STXBP5L: variants seen among roughly 807,000 people sequenced by gnomAD.
The protein encoded by STXBP5L is syntaxin-binding protein 5-like.
In STXBP5L, 65 loss-of-function variants were observed where a neutral mutation model predicts 144.5. The ratio of observed to expected loss-of-function variants is 0.45; its 90% CI spans 0.37 to 0.55. STXBP5L has a LOEUF of 0.55. Ranked by LOEUF, STXBP5L falls within the 20% of genes least tolerant of loss-of-function variation. STXBP5L has a pLI of 0.00. For synonymous variants in STXBP5L, 505 were observed against 469.6 expected (o/e 1.08, Z -0.97); for missense variants, 1,298 against 1,405.5 (o/e 0.92, Z 1.22).
chr3:121,169,324 A>G (rs1403904493), intron 9 of STXBP5L, among the ~76,000 whole-genome samples: 4 of 152,208 alleles, frequency 2.6e-5, no homozygotes, highest in Non-Finnish European at 4.4e-5. Context: ...GACAGGATCA[A>G]ATTCACACAT....
chr3:121,000,478 T>G (rs1381155946), intron 3 of STXBP5L, among the ~76,000 whole-genome samples: 4 of 152,186 alleles, frequency 2.6e-5, no homozygotes, highest in African/African-American at 9.6e-5. Context: ...GGTTCTTTCT[T>G]AAATGGCTAT....
chr3:121,206,619 G>C (rs1410710335), intron 10 of STXBP5L, among the ~76,000 whole-genome samples: 6 of 152,108 alleles, frequency 3.9e-5, no homozygotes, highest in African/African-American at 1.4e-4. Context: ...AGACCAGCCT[G>C]GGCAACATGG....
chr3:120,922,079 T>C (rs1709386879), intron 2 of STXBP5L, among the ~76,000 whole-genome samples: 1 of 152,098 alleles, frequency 6.6e-6, no homozygotes. Context: ...CAATATTAAT[T>C]TTTCCAGTTC....
intron 10 of STXBP5L, among the ~76,000 whole-genome samples, chr3:121,218,161 A>AT (rs1461475096): frequency 7.1e-6 from 1 of 140,670 alleles, no homozygotes; most frequent in African/African-American, 2.6e-5. Flanking sequence ...ATATAGTAAT[A>AT]ATATACTATA....
chr3:120,949,372 TTACTC>T (rs1711055216), intron 2 of STXBP5L, among the ~76,000 whole-genome samples: 1 of 152,134 alleles, frequency 6.6e-6, no homozygotes, highest in Admixed American at 6.6e-5. Flanking sequence ...GGTTGTCTGT[TTACTC>T]TGCTGATTAT....
chr3:121,367,944 C>T (rs1225539212), intron 20 of STXBP5L, among the ~76,000 whole-genome samples: 1 of 151,824 alleles, frequency 6.6e-6, no homozygotes, highest in Non-Finnish European at 1.5e-5. Flanking sequence ...GTAACAATGT[C>T]TCAATGTGAG....
chr3:121,086,206 T>C (rs1472828081), intron 5 of STXBP5L, among the ~76,000 whole-genome samples: 2 of 152,044 alleles, frequency 1.3e-5, no homozygotes, highest in African/African-American at 2.4e-5. Context: ...TATTTAGCAC[T>C]ACACATTTCC....
intron 3 of STXBP5L, among the ~76,000 whole-genome samples, chr3:121,003,459 G>A (rs1257977231): frequency 6.6e-6 from 1 of 152,180 alleles, no homozygotes; most frequent in Non-Finnish European, 1.5e-5. Context: ...TTAGCCCTTT[G>A]TCAGATGAGT....
Position 121,123,694 on chromosome 3 carries a change from G to A in STXBP5L, c.669+1990G>A, listed in dbSNP as rs906680898. On this transcript the variant is annotated intron_variant, in intron 7 of 26. Transcript: ENST00000471454. ...AATTTTTATGAAAGAATATAATGTG[G>A]CAATTGTTTAATTACAAATTAAAAG... is the stretch of plus-strand genomic sequence containing the variant. 4.0e-5 allele frequency among the ~76,000 whole-genome samples: 6 copies of A among 151,678 alleles called. No individual in the cohort carries two copies. The East Asian group carries it at 9.6e-4, about 24-fold the overall frequency.
intron 19 of STXBP5L, among the ~76,000 whole-genome samples, chr3:121,302,320 T>C (rs2051948735): frequency 6.6e-6 from 1 of 152,226 alleles, no homozygotes; most frequent in African/African-American, 2.4e-5. Context: ...GATTTTCTAG[T>C]TTATTTGCAT....
At chr3:121,008,589 C>T (rs1944528901) in intron 3 of STXBP5L, among the ~76,000 whole-genome samples, 1 of 151,972 alleles carries the variant, frequency 6.6e-6, no homozygotes, top group Admixed American at 6.6e-5. Flanking sequence ...TGAATAATAA[C>T]ACACTTAAAA....
intron 3 of STXBP5L, among the ~76,000 whole-genome samples, chr3:120,972,652 TA>T (rs1400703420): frequency 6.6e-6 from 1 of 152,052 alleles, no homozygotes; most frequent in Non-Finnish European, 1.5e-5. Flanking sequence ...TTCCAGTTGT[TA>T]GGGGGAATGC....
At position 121,407,598 on chromosome 3, in the gene STXBP5L, A is replaced by G. The variant is rs745529516; in HGVS notation, c.2943A>G (p.Ile981Met). Residue 981 changes from isoleucine to methionine, a missense_variant, in exon 23 of 27, where the codon ATA (isoleucine) becomes ATG (methionine). Ile to Met is a conservative substitution (Grantham distance 10). Coordinates refer to ENST00000471454, the MANE Select transcript of STXBP5L (RefSeq NM_001308330.2). ...TTTGTGCTAACGGACATATCATGAT[A>G]ATGAGGTACTTGCCTTCTTATAAAT... ...ACFCANGHIM[I>M]MSLPSLRPML... The G allele has an allele frequency of 1.2e-6, 2 of 1,613,026 alleles. No individual in the cohort carries two copies. The highest frequency in any genetic ancestry group is 2.2e-5 in the East Asian group (1 of 44,830).
intron 5 of STXBP5L, among the ~76,000 whole-genome samples, chr3:121,073,170 A>T (rs2041877177): frequency 6.6e-6 from 1 of 152,298 alleles, no homozygotes; most frequent in East Asian, 1.9e-4. Context: ...ATAAAACCTC[A>T]TCCACTGTTT....
chr3:120,984,308 G>C (rs1054378361), intron 3 of STXBP5L, among the ~76,000 whole-genome samples: 1 of 152,162 alleles, frequency 6.6e-6, no homozygotes, highest in African/African-American at 2.4e-5. Flanking sequence ...TATGGACGCA[G>C]ATATTTTCTC....
At chr3:121,093,721 C>T (rs1010048146) in intron 5 of STXBP5L, among the ~76,000 whole-genome samples, 1 of 152,110 alleles carries the variant, frequency 6.6e-6, no homozygotes, top group Non-Finnish European at 1.5e-5. Context: ...TTCAAAAAAC[C>T]AGCTCCTGGA....
intron 20 of STXBP5L, among the ~76,000 whole-genome samples, chr3:121,360,406 C>A (rs965611131): frequency 1.5e-4 from 23 of 151,756 alleles, no homozygotes; most frequent in Non-Finnish European, 2.8e-4. Context: ...CAAAGTAATT[C>A]TTGGTAAGTA....
chr3:121,135,686 G>C (rs2045220565), intron 7 of STXBP5L, among the ~76,000 whole-genome samples: 1 of 152,184 alleles, frequency 6.6e-6, no homozygotes, highest in Non-Finnish European at 1.5e-5. Context: ...GGGATCAGCT[G>C]TAAATACAGA....
intron 20 of STXBP5L, among the ~76,000 whole-genome samples, chr3:121,370,162 T>A (rs1331504597): frequency 6.6e-6 from 1 of 151,998 alleles, no homozygotes; most frequent in African/African-American, 2.4e-5. Flanking sequence ...GGTCAGGAGT[T>A]CAAGACCAAC....
Sources: gnomAD v4.1 joint callset for allele counts (sites outside exome capture counted in the v4.1 genomes callset) on GRCh38, gnomAD v4.1.1 for gene constraint, MANE v1.5 for transcripts, NCBI Gene and HGNC (gene_info 2026-07-23, HGNC 2026-07-21) for gene names.